PRKX: variants seen among roughly 807,000 people sequenced by gnomAD.
PRKX encodes protein kinase cAMP-dependent X-linked catalytic subunit, also known as cAMP-dependent protein kinase catalytic subunit PRKX.
In PRKX, 12 loss-of-function variants were observed where a neutral mutation model predicts 22.0. That is an observed-to-expected ratio of 0.54 (90% CI 0.35 to 0.88). PRKX has a LOEUF of 0.88. PRKX is among the 40% of genes least tolerant of loss of function. The pLI is 0.01. For missense variants in PRKX, 217 were observed against 308.0 expected, an observed-to-expected ratio of 0.70 and a Z score of 2.21; for synonymous variants, 134 against 137.7, an observed-to-expected ratio of 0.97 and a Z score of 0.19.
In PRKX at chrX:3,713,184, G is replaced by A. The variant is rs1334784049; in HGVS notation, c.70C>T (p.Pro24Ser). 1.8e-6 allele frequency: 2 copies of A among 1,116,164 alleles called. No homozygotes were observed. The highest frequency in any genetic ancestry group is 2.1e-5 in the South Asian group (1 of 48,137). The allele number at this position is 1,116,164 out of a possible 1,213,427, so 92.0% of individuals were successfully genotyped here. The change falls in exon 1 of 9, where the codon CCC becomes TCC. Residue 24 changes from proline to serine, a missense_variant. Physicochemically the swap from Pro to Ser is moderately conservative, Grantham distance 74 (BLOSUM62 -1). Transcript: ENST00000262848. Reference sequence around the variant, plus strand: ...GGGCAGAGCGCGGGCGCCCCGTCGGGGGTCTCCTCCGCCACCTTGCGGGAG... The same window carrying A: ...GGGCAGAGCGCGGGCGCCCCGTCGGAGGTCTCCTCCGCCACCTTGCGGGAG... ...SDSRKVAEET[P>S]DGAPALCPSP...
chrX:3,698,166 T>C (rs979034738), intron 1 of PRKX, among the ~76,000 whole-genome samples: 1 of 111,447 alleles, frequency 9.0e-6, no homozygotes, highest in Non-Finnish European at 1.9e-5. Context: ...GCCTTAAGCG[T>C]TGTCATGAAA....
intron 2 of PRKX, among the ~76,000 whole-genome samples, chrX:3,666,398 C>T (rs1259251842): frequency 3.6e-5 from 4 of 110,463 alleles, no homozygotes; most frequent in South Asian, 7.8e-4. Context: ...CCTCGTGATC[C>T]GTCCACCTCG....
chrX:3,639,092 C>G (rs1435082601), intron 4 of PRKX, among the ~76,000 whole-genome samples: 1 of 8,400 alleles, frequency 1.2e-4, no homozygotes. Flanking sequence ...TAGAGATAGA[C>G]AGGGATAGGT....
At chrX:3,642,077 C>T (rs959285282) in intron 3 of PRKX, 106 bp from the exon 4 acceptor site, 48 of 953,464 alleles carry the variant, frequency 5.0e-5, no homozygotes, top group Admixed American at 2.3e-4. Context: ...AGTAAAACCA[C>T]GCTCCGTTTA....
intron 1 of PRKX, among the ~76,000 whole-genome samples, chrX:3,677,428 C>T (rs1487720703): frequency 1.9e-5 from 2 of 105,402 alleles, no homozygotes; most frequent in Non-Finnish European, 3.9e-5. Flanking sequence ...CTGCCAGGCT[C>T]AAGTGACCCT....
At chrX:3,696,945 G>A (rs374479485) in intron 1 of PRKX, among the ~76,000 whole-genome samples, 121 of 112,090 alleles carry the variant, frequency 1.1e-3, no homozygotes, top group African/African-American at 3.9e-3. Context: ...ACTTGAACCC[G>A]GGAGGTGGAG....
chrX:3,636,971 A>AAAAGGGGAAAGGGG (rs1187305647), intron 4 of PRKX, among the ~76,000 whole-genome samples: 3 of 106,275 alleles, frequency 2.8e-5, no homozygotes, highest in Non-Finnish European at 3.9e-5. Flanking sequence ...AAGGAAAGGA[A>AAAAGGGGAAAGGGG]AAAGGGGAAA....
rs1294080975 is a variant in PRKX at position 3,674,682 on chromosome X, T to C, written c.251A>G (p.Asp84Gly). The C allele has an allele frequency of 2.9e-5, 35 of 1,210,883 alleles. No individual in the cohort carries two copies. Among genetic ancestry groups the C allele is most frequent in the Non-Finnish European group, 3.7e-5 (33 of 894,923 alleles). Reference sequence around the variant, plus strand: ...TTGCTCCTGCTTTAGGCGGATGACGTCGGGAATGCTCATCACCTTGAGGGC... The same window carrying C: ...TTGCTCCTGCTTTAGGCGGATGACGCCGGGAATGCTCATCACCTTGAGGGC... ...FFALKVMSIP[D>G]VIRLKQEQHV... The change falls in exon 2 of 9, where the codon GAC becomes GGC. Residue 84 changes from aspartate to glycine, a missense_variant. Physicochemically the swap from Asp to Gly is moderately conservative, Grantham distance 94 (BLOSUM62 -1). Transcript: ENST00000262848.
chrX:3,640,654 G>A (rs1475898195), intron 4 of PRKX, among the ~76,000 whole-genome samples: 5 of 111,537 alleles, frequency 4.5e-5, no homozygotes, highest in African/African-American at 9.8e-5. Context: ...GCGTTGGAAC[G>A]AGAGTAACTC....
At chrX:3,645,069 G>A (rs752869951) in intron 3 of PRKX, among the ~76,000 whole-genome samples, 55 of 111,615 alleles carry the variant, frequency 4.9e-4, no homozygotes, top group African/African-American at 1.7e-3. Flanking sequence ...AGAGACATAC[G>A]CTGCTATGGA....
chrX:3,638,923 G>C (rs970991936), intron 4 of PRKX, among the ~76,000 whole-genome samples: 4 of 103,021 alleles, frequency 3.9e-5, no homozygotes, highest in African/African-American at 1.4e-4. Flanking sequence ...ATAGATGATA[G>C]GTAAATACAT....
chrX:3,618,510 T>C (rs1926486659), intron 6 of PRKX, among the ~76,000 whole-genome samples: 1 of 111,422 alleles, frequency 9.0e-6, no homozygotes, highest in Non-Finnish European at 1.9e-5. Flanking sequence ...ATGGTAATTA[T>C]GTGAGGTAAG....
rs184633646 is a variant in PRKX, at chrX:3,692,409, G to A, written c.167-17643C>T. Among the ~76,000 whole-genome samples, 355 of 110,857 alleles carry A rather than the reference G, an allele frequency of 3.2e-3. 2 individuals carry two copies. Among genetic ancestry groups the A allele is most frequent in the South Asian group, 0.021 (53 of 2,571 alleles). The stretch of plus-strand genomic sequence containing the variant: ...CCCTGTTTTGGAGCAAGCACTGCCC[G>A]TAGTATCGCCTGCAATGATAGGAAT... On this transcript the variant is annotated intron_variant, in intron 1 of 8. Transcript: ENST00000262848.
intron 2 of PRKX, among the ~76,000 whole-genome samples, chrX:3,669,588 G>A (rs1410607514): frequency 1.8e-5 from 2 of 112,280 alleles, no homozygotes; most frequent in Admixed American, 1.9e-4. Context: ...CAGCACTGCT[G>A]AGGTTGAGAA....
At chrX:3,639,913 T>G (rs1306633565) in intron 4 of PRKX, among the ~76,000 whole-genome samples, 1 of 111,212 alleles carries the variant, frequency 9.0e-6, no homozygotes, top group Non-Finnish European at 1.9e-5. Context: ...GATGTTAGAA[T>G]GTCACATGCT....
At chrX:3,708,639 C>T (rs187236283) in intron 1 of PRKX, among the ~76,000 whole-genome samples, 8 of 108,468 alleles carry the variant, frequency 7.4e-5, no homozygotes, top group Non-Finnish European at 1.3e-4. Context: ...CCAAGGCGGG[C>T]GGATCGCCTG....
At chrX:3,662,676 CAG>C (rs1927621928) in intron 2 of PRKX, among the ~76,000 whole-genome samples, 2 of 69,578 alleles carry the variant, frequency 2.9e-5, no homozygotes, top group South Asian at 1.6e-3. Flanking sequence ...GCCTGGGGGA[CAG>C]AGTGAGACTC....
At chrX:3,687,867 C>T (rs944966162) in intron 1 of PRKX, among the ~76,000 whole-genome samples, 2 of 111,848 alleles carry the variant, frequency 1.8e-5, no homozygotes, top group Non-Finnish European at 3.8e-5. Flanking sequence ...AGGACAGCAT[C>T]GTGTTCCTCA....
chrX:3,696,851 C>G (rs1928452370), intron 1 of PRKX, among the ~76,000 whole-genome samples: 1 of 111,142 alleles, frequency 9.0e-6, no homozygotes, highest in Non-Finnish European at 1.9e-5. Flanking sequence ...AAAACTCTGT[C>G]CCTACTAAAA....
Sources: gnomAD v4.1 joint callset for allele counts (sites outside exome capture counted in the v4.1 genomes callset) on GRCh38, gnomAD v4.1.1 for gene constraint, MANE v1.5 for transcripts, NCBI Gene and HGNC (gene_info 2026-07-23, HGNC 2026-07-21) for gene names.